Variants in NOC2L observed in about 807,000 individuals in gnomAD.
NOC2L encodes NOC2 like nucleolar associated transcriptional repressor.
A neutral mutation model predicts 94.2 loss-of-function variants in NOC2L; 101 were observed. That is an observed-to-expected ratio of 1.07 (90% CI 0.91 to 1.26). NOC2L has a LOEUF of 1.26. Ranked by LOEUF, NOC2L falls within the 50% of genes most tolerant of loss-of-function variation. The pLI, the probability that NOC2L is intolerant of heterozygous loss-of-function variation, is 0.00. For missense variants in NOC2L, 1,076 were observed against 980.1 expected (o/e 1.10, Z -1.31); for synonymous variants, 531 against 413.4 (o/e 1.28, Z -3.45).
chr1:956,004 G>A lies in NOC2L; in HGVS notation c.617C>T (p.Ala206Val), dbSNP rs139726958. ...GTCTCTGATGCAGAAGGTAACCAGA[G>A]CATTGAATGCTGCAACGAAAAGGCC... is the stretch of plus-strand genomic sequence containing the variant. ...FQVTDSAAFN[A>V]LVTFCIRDLI... Residue 206 changes from alanine to valine, a missense_variant, in exon 6 of 19, where the codon GCT becomes GTT. By Grantham distance (64) the Ala-to-Val change is moderately conservative. Transcript: ENST00000327044. The A allele has an allele frequency of 2.0e-4, 325 of 1,613,874 alleles. No individual in the cohort carries two copies. Among genetic ancestry groups the A allele is most frequent in the Non-Finnish European group, 2.6e-4 (301 of 1,180,018 alleles).
Position 944,705 on chromosome 1 carries a change from C to T in NOC2L, c.2239G>A (p.Glu747Lys), listed in dbSNP as rs1247077336. 5.6e-6 allele frequency: 9 copies of T among 1,597,452 alleles called. No homozygotes were observed. The highest frequency in any genetic ancestry group is 2.2e-5 in the South Asian group (2 of 90,652). Residue 747 changes from glutamate (E) to lysine (K), a missense_variant, in exon 19 of 19, where the codon GAG (glutamate) becomes AAG (lysine). Physicochemically the swap from Glu to Lys is moderately conservative, Grantham distance 56. Around this residue, in one of 3 missense-constraint regions of NOC2L, gnomAD observed 615 missense variants for 577.4 expected, o/e 1.07. Transcript: ENST00000327044. ...CCAGATGGGCTGCCTCAGTCGTCCTCTGAGAGCTGCAGATCCTCCAGCTCG... is the reference window on the plus strand; with the variant it reads ...CCAGATGGGCTGCCTCAGTCGTCCTTTGAGAGCTGCAGATCCTCCAGCTCG... ...EDELEDLQLS[E>K]DD
chr1:954,825 AG>A (rs1444107362), intron 6 of NOC2L, among the ~76,000 whole-genome samples: 6 of 151,882 alleles, frequency 4.0e-5, no homozygotes, highest in Admixed American at 1.3e-4. Flanking sequence ...CTATCTCGTA[AG>A]GAAAAAAAAA....
At position 952,752 on chromosome 1, in the gene NOC2L, C is replaced by A. The variant is rs1247992994; in HGVS notation, c.1003-152G>T. The A allele has an allele frequency of 9.2e-6, 7 of 756,784 alleles. No homozygotes were observed. In the African/African-American group the frequency reaches 1.2e-4, roughly 13 times the overall value. 46.9% of individuals were successfully genotyped at this position (756,784 alleles called of 1,614,324 possible). A position where few individuals can be genotyped will look rare whatever the true frequency, so the allele number is the denominator to read the frequency against. On this transcript the variant is annotated intron_variant, in intron 9 of 18. Transcript: ENST00000327044. ...CTTGCACAGCCCCCACCCCCAAGTG[C>A]CCACCAGCCTCAGGCCTGGGAGAAG...
intron 4 of NOC2L, 69 bp from the exon 5 acceptor site, chr1:956,284 C>A (rs1268261642): frequency 3.8e-6 from 6 of 1,589,124 alleles, no homozygotes; most frequent in Non-Finnish European, 5.1e-6. Flanking sequence ...GAAACGGCAG[C>A]CCCAGAGAAA....
rs1642388842 is a variant in NOC2L, at chr1:955,949, A to G, written c.672T>C (p.Phe224=). The stretch of plus-strand genomic sequence containing the variant: ...TGCTGCTATCCTTTGCCACCTTTCC[A>G]AACAGCAGCTTCTGGAGACAGCCAA... The part of the protein sequence containing the change: ...DLIGCLQKLL[F]GKVAKDSSRM... The change falls in exon 6 of 19, where the codon TTT becomes TTC. Residue 224 remains phenylalanine (F), a synonymous_variant. Coordinates refer to ENST00000327044, the MANE Select transcript of NOC2L (RefSeq NM_015658.4). 1.9e-6 allele frequency: 3 copies of G among 1,601,626 alleles called. No homozygotes were observed. The highest frequency in any genetic ancestry group is 2.2e-5 in the South Asian group (2 of 90,824).
rs757128280 is a variant in NOC2L at position 945,508 on chromosome 1, C to T, written c.2053+10G>A. ...CCACCCTTCCCCTGGGAGCACCACG[C>T]AGGCCCCACCTCTCTCCGAGAATCC... On this transcript the variant is annotated intron_variant, in intron 17 of 18. Coordinates refer to ENST00000327044, the MANE Select transcript of NOC2L (RefSeq NM_015658.4). 1.9e-6 allele frequency: 3 copies of T among 1,613,194 alleles called. No individual in the cohort carries two copies. The highest frequency in any genetic ancestry group is 2.2e-5 in the South Asian group (2 of 91,058).
At position 945,500 on chromosome 1, in the gene NOC2L, G is replaced by C; in HGVS notation, c.2053+18C>G. On this transcript the variant is annotated intron_variant, in intron 17 of 18. Coordinates refer to ENST00000327044, the MANE Select transcript of NOC2L (RefSeq NM_015658.4). ...CTCCAGGCCCACCCTTCCCCTGGGA[G>C]CACCACGCAGGCCCCACCTCTCTCC... The C allele has an allele frequency of 1.2e-6, 2 of 1,612,820 alleles. No homozygotes were observed. Among genetic ancestry groups the C allele is most frequent in the East Asian group, 2.2e-5 (1 of 44,880 alleles).
chr1:957,068 G>A, intron 3 of NOC2L, 31 bp downstream of exon 3: 1 of 1,613,964 alleles, frequency 6.2e-7, no homozygotes. Context: ...AGAGACAAGT[G>A]CCCCCCTTCT....
intron 14 of NOC2L, among the ~76,000 whole-genome samples, chr1:947,684 C>A (rs889166747): frequency 4.6e-5 from 7 of 152,202 alleles, no homozygotes; most frequent in Non-Finnish European, 4.4e-5. Flanking sequence ...TTTAGCGGGG[C>A]AGGCTGGGCC....
At position 945,634 on chromosome 1, in the gene NOC2L, G is replaced by C. The variant is rs1642084762; in HGVS notation, c.1937C>G (p.Pro646Arg). ...AGCCATCTTCCTTCGTTTGATCTCA[G>C]GGAAGTTCAGGTCTTCCAGCTGGAA... is the stretch of plus-strand genomic sequence containing the variant. ...GKERLEDLNF[P>R]EIKRRKMADR... is the part of the protein sequence containing the mutation. Residue 646 changes from proline (P) to arginine (R), a missense_variant, in exon 17 of 19, where the codon CCT (proline) becomes CGT (arginine). By Grantham distance (103) the Pro-to-Arg change is moderately radical. Coordinates refer to ENST00000327044, the MANE Select transcript of NOC2L (RefSeq NM_015658.4). 1 of 1,614,182 alleles carries C rather than the reference G, an allele frequency of 6.2e-7. No individual in the cohort carries two copies. Among genetic ancestry groups the C allele is most frequent in the Non-Finnish European group, 8.5e-7 (1 of 1,180,018 alleles).
rs781632129 is a variant in NOC2L, at chr1:944,783, C to A, written c.2161G>T (p.Glu721Ter). 6.3e-7 allele frequency: 1 copy of A among 1,595,038 alleles called. No homozygotes were observed. The highest frequency in any genetic ancestry group is 8.5e-7 in the Non-Finnish European group (1 of 1,174,912). ...SNSEDGDPDA[E>*]AGLAPGELQQ... ...AGCTCCCCAGGGGCCAGCCCCGCCT[C>A]TGCGTCTGGGTCTCCATCTGCGGGG... The change falls in exon 19 of 19, where the codon GAG becomes TAG. Residue 721 changes from glutamate (E) to a stop codon, truncating the protein, a stop_gained. Transcript: ENST00000327044. LOFTEE classifies it low-confidence loss of function (END_TRUNC).
intron 12 of NOC2L, among the ~76,000 whole-genome samples, chr1:949,838 A>C (rs1203405139): frequency 6.6e-6 from 1 of 152,228 alleles, no homozygotes; most frequent in East Asian, 1.9e-4. Context: ...AAGGGGAATC[A>C]GAACGTGCCT....
intron 6 of NOC2L, chr1:954,418 G>C (rs571305794): frequency 2.9e-5 from 8 of 280,426 alleles, no homozygotes; most frequent in Non-Finnish European, 5.3e-5. Flanking sequence ...CATCCCCACC[G>C]TGAGACCACA....
At position 946,367 on chromosome 1, in the gene NOC2L, GCCCTCAGGTGGCACTA is replaced by G; in HGVS notation, c.1803+19_1803+34del. 6.2e-7 allele frequency: 1 copy of G among 1,613,296 alleles called. No individual in the cohort carries two copies. Among genetic ancestry groups the G allele is most frequent in the Non-Finnish European group, 8.5e-7 (1 of 1,179,814 alleles). On this transcript the variant is annotated intron_variant, in intron 15 of 18. Transcript: ENST00000327044. ...TAGCTGGGGCTATACCCTGGCAGGT[GCCCTCAGGTGGCACTA>G]CCCCCAGGGCCCACTAACCACTGCC...
In NOC2L at chr1:946,424, C is replaced by T; in HGVS notation, c.1781G>A (p.Gly594Asp). ...ICSRRQRVSF[G>D]VSEQQAVEAW... ...AACCACTGCCTGCTGCTCAGAGACG[C>T]CGAAGGAAACCCTCTGGCGGCGGCT... The change falls in exon 15 of 19, where the codon GGC (glycine) becomes GAC (aspartate). Residue 594 changes from glycine to aspartate, a missense_variant. This residue lies in a region of NOC2L where 615 missense variants were observed against 577.4 expected (regional missense o/e 1.07). Transcript: ENST00000327044. 6.2e-7 allele frequency: 1 copy of T among 1,613,538 alleles called. No homozygotes were observed. Among genetic ancestry groups the T allele is most frequent in the South Asian group, 1.1e-5 (1 of 91,086 alleles).
chr1:949,050 G>GCAAAGACAT (rs984421701), intron 12 of NOC2L, among the ~76,000 whole-genome samples: 1 of 151,910 alleles, frequency 6.6e-6, no homozygotes, highest in African/African-American at 2.4e-5. Flanking sequence ...AGCAGCAACA[G>GCAAAGACAT]CAAAGAGTGC....
chr1:946,979 C>T, intron 14 of NOC2L: 1 of 174,046 alleles, frequency 5.7e-6, no homozygotes, highest in Non-Finnish European at 1.2e-5. Flanking sequence ...ATCGCTTGAG[C>T]CCAGGAGATG....
Position 944,332 on chromosome 1 carries a change from G to C in NOC2L, c.*362C>G, listed in dbSNP as rs1415628434. 16 of 1,384,608 alleles carry C rather than the reference G, an allele frequency of 1.2e-5. No individual in the cohort carries two copies. Among genetic ancestry groups the C allele is most frequent in the Non-Finnish European group, 1.3e-5 (14 of 1,076,890 alleles). The allele number at this position is 1,384,608 out of a possible 1,614,324, so 85.8% of individuals were successfully genotyped here. On this transcript the variant is annotated 3_prime_UTR_variant, in exon 19 of 19. Coordinates refer to ENST00000327044, the MANE Select transcript of NOC2L (RefSeq NM_015658.4). ...TCAAAGACTTGGGGGAGTGAAGGCA[G>C]AGCCTGGTGCAGATGGACGAGGTCT...
chr1:957,090 C>T lies in NOC2L; in HGVS notation c.354+9G>A, dbSNP rs778482287. On this transcript the variant is annotated intron_variant, in intron 3 of 18. Coordinates refer to ENST00000327044, the MANE Select transcript of NOC2L (RefSeq NM_015658.4). ...AGTGCCCCCCTTCTGGTTTGGCCCA[C>T]GCCCTCACCTCCAGCACATCTGGCA... 2.4e-5 allele frequency: 39 copies of T among 1,614,026 alleles called. No homozygotes were observed. The highest frequency in any genetic ancestry group is 3.1e-5 in the Non-Finnish European group (37 of 1,179,990).
Sources: gnomAD v4.1 joint callset for allele counts (sites outside exome capture counted in the v4.1 genomes callset) on GRCh38, gnomAD v4.1.1 for gene constraint, gnomAD v4.1.1 regional missense constraint, MANE v1.5 for transcripts, NCBI Gene and HGNC (gene_info 2026-07-23, HGNC 2026-07-21) for gene names.